Variants in FYB1 observed in about 807,000 individuals in gnomAD.
FYB1 encodes FYN binding protein 1.
In FYB1, 41 loss-of-function variants were observed where a neutral mutation model predicts 94.1. The ratio of observed to expected loss-of-function variants is 0.44; its 90% CI spans 0.34 to 0.57. The LOEUF (loss-of-function observed/expected upper bound fraction) is 0.57. Among genes scored for constraint, FYB1 ranks in the 20% least tolerant of loss-of-function variants. The pLI is 0.02. For missense variants in FYB1, 1,050 were observed against 976.8 expected (o/e 1.07, Z -1.00); for synonymous variants, 367 against 353.2 (o/e 1.04, Z -0.44).
At chr5:39,186,374 A>G (rs1746797086) in intron 2 of FYB1, among the ~76,000 whole-genome samples, 1 of 152,212 alleles carries the variant, frequency 6.6e-6, no homozygotes, top group Non-Finnish European at 1.5e-5. Flanking sequence ...CAGTGAGCCA[A>G]TATAGTGCCG....
chr5:39,179,949 C>A (rs1746068280), intron 2 of FYB1, among the ~76,000 whole-genome samples: 1 of 152,166 alleles, frequency 6.6e-6, no homozygotes, highest in African/African-American at 2.4e-5. Flanking sequence ...CCCTATCTAA[C>A]CCTCCAGGAA....
chr5:39,138,551 C>A, intron 6 of FYB1, 106 bp downstream of exon 6: 1 of 603,184 alleles, frequency 1.7e-6, no homozygotes, highest in Non-Finnish European at 2.9e-6. Context: ...GTCATTTGAA[C>A]AAATCAAGCT....
At chr5:39,148,937 A>G (rs1187198452) in intron 3 of FYB1, among the ~76,000 whole-genome samples, 1 of 152,208 alleles carries the variant, frequency 6.6e-6, no homozygotes, top group East Asian at 1.9e-4. Flanking sequence ...AAAAATTATG[A>G]TGTTAAAATT....
At chr5:39,108,329 A>C in intron 17 of FYB1, 67 bp from the exon 18 acceptor site, 1 of 1,323,154 alleles carries the variant, frequency 7.6e-7, no homozygotes, top group Non-Finnish European at 1.0e-6. Flanking sequence ...CAATATATAG[A>C]AGAATAGAGT....
At chr5:39,216,326 A>G (rs746292287) in intron 1 of FYB1, among the ~76,000 whole-genome samples, 3 of 152,230 alleles carry the variant, frequency 2.0e-5, no homozygotes, top group Non-Finnish European at 4.4e-5. Flanking sequence ...AATCTCTAAT[A>G]TAAAAATAGT....
chr5:39,273,052 C>T (rs577737379), intron 1 of FYB1, among the ~76,000 whole-genome samples: 5 of 152,284 alleles, frequency 3.3e-5, no homozygotes, highest in African/African-American at 9.6e-5. Context: ...CCAGCCACCC[C>T]GTCCGGGAGG....
chr5:39,137,802 C>G, intron 6 of FYB1, 82 bp from the exon 7 acceptor site: 1 of 1,524,826 alleles, frequency 6.6e-7, no homozygotes, highest in Non-Finnish European at 8.8e-7. Flanking sequence ...TTTCTACTCA[C>G]AACAGAAAAG....
intron 1 of FYB1, among the ~76,000 whole-genome samples, chr5:39,216,581 C>G (rs1299515453): frequency 6.6e-6 from 1 of 152,092 alleles, no homozygotes; most frequent in Non-Finnish European, 1.5e-5. Flanking sequence ...GCAACAGGCC[C>G]CAGTGTGTGT....
At chr5:39,238,350 A>G (rs1389738636) in intron 1 of FYB1, among the ~76,000 whole-genome samples, 2 of 151,926 alleles carry the variant, frequency 1.3e-5, no homozygotes, top group Admixed American at 6.6e-5. Flanking sequence ...AAAATGCATT[A>G]TATTTTTTTA....
At chr5:39,251,488 C>T (rs1751708097) in intron 1 of FYB1, among the ~76,000 whole-genome samples, 1 of 152,070 alleles carries the variant, frequency 6.6e-6, no homozygotes, top group Non-Finnish European at 1.5e-5. Flanking sequence ...TACTCCCTGG[C>T]CAGATCCTGC....
At chr5:39,147,633 G>A (rs983932586) in intron 3 of FYB1, among the ~76,000 whole-genome samples, 2 of 151,076 alleles carry the variant, frequency 1.3e-5, no homozygotes, top group Non-Finnish European at 2.9e-5. Flanking sequence ...ATGATTGCAA[G>A]TTACTTCTGG....
At position 39,107,457 on chromosome 5, in the gene FYB1, A is replaced by T; in HGVS notation, c.2476T>A (p.Tyr826Asn). Residue 826 changes from tyrosine to asparagine, a missense_variant, in exon 19 of 19, where the codon TAT becomes AAT. Transcript: ENST00000512982. ...AAAGTTGAGTGCTAGTCATTGTCATAGATGCAGCCTGAAAGGAAAAAATAC... is the reference window on the plus strand; with the variant it reads ...AAAGTTGAGTGCTAGTCATTGTCATTGATGCAGCCTGAAAGGAAAAAATAC... ...IYDDIADGCI[Y>N]DND 2 of 1,524,920 alleles carry T rather than the reference A, an allele frequency of 1.3e-6. No homozygotes were observed. Among genetic ancestry groups the T allele is most frequent in the African/African-American group, 2.8e-5 (2 of 72,352 alleles). The allele number at this position is 1,524,920 out of a possible 1,614,324, so 94.5% of individuals were successfully genotyped here.
chr5:39,131,171 T>C (rs1173901291), intron 9 of FYB1, among the ~76,000 whole-genome samples: 1 of 152,200 alleles, frequency 6.6e-6, no homozygotes, highest in African/African-American at 2.4e-5. Context: ...TGTTTCTTAC[T>C]TACTTTCACA....
intron 1 of FYB1, among the ~76,000 whole-genome samples, chr5:39,251,905 G>T (rs949579220): frequency 1.3e-5 from 2 of 152,170 alleles, no homozygotes; most frequent in Non-Finnish European, 2.9e-5. Flanking sequence ...AGCACTTTGG[G>T]AGGCCGAGGC....
intron 1 of FYB1, among the ~76,000 whole-genome samples, chr5:39,210,079 C>A (rs1389490301): frequency 6.6e-6 from 1 of 152,232 alleles, no homozygotes; most frequent in Non-Finnish European, 1.5e-5. Context: ...GCTGCAGGCT[C>A]TGGGCGAAGG....
In FYB1 at chr5:39,170,484, C is replaced by T; in HGVS notation, c.1136-16880G>A. 3 of 333,152 alleles carry T rather than the reference C, an allele frequency of 9.0e-6. No homozygotes were observed. In the East Asian group the frequency reaches 1.7e-4, roughly 18 times the overall value. 20.6% of individuals were successfully genotyped at this position (333,152 alleles called of 1,614,324 possible). Reference sequence around the variant, plus strand: ...TTCCCTCCTTTTTTCTGATTCCCTACATCCAATACATGAGAATTCCCCATT... The same window carrying T: ...TTCCCTCCTTTTTTCTGATTCCCTATATCCAATACATGAGAATTCCCCATT... On this transcript the variant is annotated intron_variant, in intron 2 of 18. Coordinates refer to ENST00000512982, the MANE Select transcript of FYB1 (RefSeq NM_001465.6).
chr5:39,218,071 TG>T (rs776919895), intron 1 of FYB1, among the ~76,000 whole-genome samples: 4 of 152,204 alleles, frequency 2.6e-5, no homozygotes, highest in Admixed American at 6.5e-5. Flanking sequence ...CAGCAGAAGC[TG>T]GGGGGAATTT....
intron 1 of FYB1, among the ~76,000 whole-genome samples, chr5:39,210,815 A>T (rs553777699): frequency 6.6e-6 from 1 of 152,324 alleles, no homozygotes; most frequent in South Asian, 2.1e-4. Flanking sequence ...GTTTGAGTTC[A>T]TCCTAAGCAA....
In FYB1 at chr5:39,119,005, G is replaced by T. The variant is rs759621343; in HGVS notation, c.2270C>A (p.Thr757Asn). The change falls in exon 16 of 19, where the codon ACT (threonine) becomes AAT (asparagine). Residue 757 changes from threonine (T) to asparagine (N), a missense_variant. Physicochemically the swap from Thr to Asn is moderately conservative, Grantham distance 65. Coordinates refer to ENST00000512982, the MANE Select transcript of FYB1 (RefSeq NM_001465.6). Reference protein sequence around the residue: ...YDGEIRVLYSTKVTTSITSKK... With the variant: ...YDGEIRVLYSNKVTTSITSKK... ...AGAAGTTATGGAAGTTGTAACTTTA[G>T]TTGAATATAGGACTCTAATTTCACC... is the stretch of plus-strand genomic sequence containing the variant. 3.3e-6 allele frequency: 5 copies of T among 1,496,008 alleles called. No individual in the cohort carries two copies. The African/African-American group carries it at 7.0e-5, about 21-fold the overall frequency. The allele number at this position is 1,496,008 out of a possible 1,614,324, so 92.7% of individuals were successfully genotyped here. A position where few individuals can be genotyped will look rare whatever the true frequency, so the allele number is the denominator to read the frequency against.
Sources: gnomAD v4.1 joint callset for allele counts (sites outside exome capture counted in the v4.1 genomes callset) on GRCh38, gnomAD v4.1.1 for gene constraint, MANE v1.5 for transcripts, NCBI Gene and HGNC (gene_info 2026-07-23, HGNC 2026-07-21) for gene names.